DOCK1: variants seen among roughly 807,000 people sequenced by gnomAD.
DOCK1 encodes dedicator of cytokinesis protein 1.
DOCK1 carries 138 observed loss-of-function variants against 262.7 expected under a neutral mutation model. That is an observed-to-expected ratio of 0.53 (90% confidence interval 0.46 to 0.61). The LOEUF is 0.61. DOCK1 is among the 20% of genes least tolerant of loss of function. DOCK1 has a pLI of 0.00. For synonymous variants in DOCK1, 866 were observed against 867.4 expected, an observed-to-expected ratio of 1.00 and a Z score of 0.03; for missense variants, 1,908 against 2,370.7, an observed-to-expected ratio of 0.80 and a Z score of 4.05.
intron 38 of DOCK1, among the ~76,000 whole-genome samples, chr10:127,400,346 G>A (rs866712841): frequency 1.3e-5 from 2 of 152,232 alleles, no homozygotes; most frequent in South Asian, 2.1e-4. Flanking sequence ...GCCAGTGAGC[G>A]GGTGGGGGCT....
chr10:126,951,852 A>T (rs1472543364), intron 1 of DOCK1, among the ~76,000 whole-genome samples: 32 of 142,630 alleles, frequency 2.2e-4, no homozygotes, highest in Middle Eastern at 3.7e-3. Context: ...CAGCCTCTTC[A>T]TTTTTTTTTT....
intron 26 of DOCK1, 42 bp from the exon 27 acceptor site, chr10:127,127,627 T>G (rs543681501): frequency 2.0e-6 from 3 of 1,504,260 alleles, no homozygotes; most frequent in Non-Finnish European, 2.8e-6. Flanking sequence ...TGCATGTTAA[T>G]GTTTCTCTGG....
At chr10:127,178,736 A>G (rs1168848483) in intron 27 of DOCK1, among the ~76,000 whole-genome samples, 1 of 152,222 alleles carries the variant, frequency 6.6e-6, no homozygotes, top group African/African-American at 2.4e-5. Context: ...AAGGCAAGAA[A>G]CAGACTGGAG....
chr10:127,032,038 T>C, intron 17 of DOCK1, 99 bp from the exon 18 acceptor site: 1 of 1,397,258 alleles, frequency 7.2e-7, no homozygotes, highest in Admixed American at 2.1e-5. Context: ...TACAAAGCAA[T>C]TACGATGGTT....
chr10:127,401,368 G>C (rs1466581115), intron 38 of DOCK1, among the ~76,000 whole-genome samples: 2 of 152,216 alleles, frequency 1.3e-5, no homozygotes, highest in Non-Finnish European at 2.9e-5. Context: ...ACCGAGGCAA[G>C]TTTCAGAGCA....
At chr10:127,333,057 G>A (rs747825283) in intron 29 of DOCK1, among the ~76,000 whole-genome samples, 16 of 150,720 alleles carry the variant, frequency 1.1e-4, no homozygotes, top group Non-Finnish European at 1.6e-4. Context: ...TCATTTTTCT[G>A]CAGGGATGGA....
At chr10:127,091,988 A>T (rs2047561182) in intron 23 of DOCK1, among the ~76,000 whole-genome samples, 1 of 152,206 alleles carries the variant, frequency 6.6e-6, no homozygotes, top group Admixed American at 6.5e-5. Context: ...GGATGCTGCC[A>T]TAGTATATCG....
chr10:127,379,640 C>T (rs896768587), intron 35 of DOCK1, among the ~76,000 whole-genome samples: 3 of 152,156 alleles, frequency 2.0e-5, no homozygotes, highest in Non-Finnish European at 4.4e-5. Flanking sequence ...ATCATATTGT[C>T]TTTGTAGCTC....
chr10:127,026,501 T>C (rs1368932683), intron 16 of DOCK1, 77 bp downstream of exon 16: 9 of 1,351,832 alleles, frequency 6.7e-6, no homozygotes, highest in Non-Finnish European at 8.3e-6. Flanking sequence ...CCACTCTCAG[T>C]TGTTCTGGAA....
intron 29 of DOCK1, among the ~76,000 whole-genome samples, chr10:127,337,102 A>G (rs906423534): frequency 2.0e-5 from 3 of 151,896 alleles, no homozygotes; most frequent in Non-Finnish European, 4.4e-5. Context: ...AATTAAGGGG[A>G]AAAAAAATTG....
Position 127,236,331 on chromosome 10 carries a change from C to G in DOCK1, c.2848-11677C>G, listed in dbSNP as rs1430568723. Reference sequence around the variant, plus strand: ...CTCCTTTCTTTCTCCCTCCCTCCCCCTCTCCCCTCCCCTCCTTCCCTCTCT... The same window carrying G: ...CTCCTTTCTTTCTCCCTCCCTCCCCGTCTCCCCTCCCCTCCTTCCCTCTCT... On this transcript the variant is annotated intron_variant, in intron 27 of 51. Coordinates refer to ENST00000623213, the MANE Select transcript of DOCK1 (RefSeq NM_001290223.2). 2.2e-5 allele frequency among the ~76,000 whole-genome samples: 3 copies of G among 136,810 alleles called. No homozygotes were observed. In the Admixed American group the frequency reaches 2.2e-4, roughly 10 times the overall value. The allele number at this position is 136,810 out of a possible 152,430, so 89.8% of individuals were successfully genotyped here.
rs1041011607 is a variant in DOCK1, at chr10:126,992,287, CTGCA to C, written c.473+1685_473+1688del. Among the ~76,000 whole-genome samples the C allele has an allele frequency of 2.8e-4, 42 of 152,132 alleles. 2 individuals carry two copies. ...TTCAGAGACCACCTGCTTAATTTGG[CTGCA>C]GGAAGCTAGCAAAGTACATTGTATC... is the stretch of plus-strand genomic sequence containing the variant. On this transcript the variant is annotated intron_variant, in intron 6 of 51. Transcript: ENST00000623213.
intron 29 of DOCK1, among the ~76,000 whole-genome samples, chr10:127,295,783 C>G (rs1399936897): frequency 6.6e-6 from 1 of 151,962 alleles, no homozygotes; most frequent in Non-Finnish European, 1.5e-5. Context: ...GGGATTCCTG[C>G]CTCACCCCTA....
chr10:127,096,587 A>G (rs1246093907), intron 23 of DOCK1, among the ~76,000 whole-genome samples: 1 of 152,090 alleles, frequency 6.6e-6, no homozygotes, highest in African/African-American at 2.4e-5. Flanking sequence ...AAGATATGCT[A>G]ATGGATTTAA....
intron 29 of DOCK1, among the ~76,000 whole-genome samples, chr10:127,284,319 A>G (rs746360612): frequency 3.9e-5 from 6 of 152,042 alleles, no homozygotes; most frequent in Non-Finnish European, 8.8e-5. Flanking sequence ...TATTTAATTT[A>G]TATCTTTCCA....
At chr10:127,311,918 G>T (rs1253802913) in intron 29 of DOCK1, among the ~76,000 whole-genome samples, 1 of 151,944 alleles carries the variant, frequency 6.6e-6, no homozygotes, top group Non-Finnish European at 1.5e-5. Context: ...AGGCTGGAGT[G>T]CAGTGGGGCG....
intron 29 of DOCK1, among the ~76,000 whole-genome samples, chr10:127,332,089 T>G (rs963380906): frequency 5.9e-5 from 9 of 152,194 alleles, no homozygotes; most frequent in African/African-American, 2.2e-4. Flanking sequence ...GGAATGCTGT[T>G]TTGGTGGAAA....
chr10:127,263,807 A>T (rs796488404), intron 29 of DOCK1, among the ~76,000 whole-genome samples: 28 of 152,294 alleles, frequency 1.8e-4, no homozygotes, highest in African/African-American at 6.5e-4. Flanking sequence ...CTTGGTTGTT[A>T]ATGAGAATGT....
chr10:127,370,261 A>T (rs756831466), intron 33 of DOCK1, among the ~76,000 whole-genome samples: 1 of 152,170 alleles, frequency 6.6e-6, no homozygotes, highest in Non-Finnish European at 1.5e-5. Flanking sequence ...GTTTATTTTT[A>T]AAGGGTCAAA....
Sources: gnomAD v4.1 joint callset for allele counts (sites outside exome capture counted in the v4.1 genomes callset) on GRCh38, gnomAD v4.1.1 for gene constraint, MANE v1.5 for transcripts, NCBI Gene and HGNC (gene_info 2026-07-23, HGNC 2026-07-21) for gene names.